Variants in MYO1F observed in about 807,000 individuals in gnomAD.
MYO1F encodes the protein myosin IF, also known as unconventional myosin-If.
In MYO1F, 60 loss-of-function variants were observed where a neutral mutation model predicts 146.6. The ratio of observed to expected loss-of-function variants is 0.41; its 90% CI spans 0.33 to 0.51. MYO1F has a LOEUF of 0.51. Among genes scored for constraint, MYO1F ranks in the 20% least tolerant of loss-of-function variants. MYO1F has a pLI of 0.25. For synonymous variants in MYO1F, 602 were observed against 602.1 expected, an observed-to-expected ratio of 1.00 and a Z score of 0.00; for missense variants, 1,274 against 1,534.3, an observed-to-expected ratio of 0.83 and a Z score of 2.83.
At chr19:8,536,173 C>G in intron 19 of MYO1F, 79 bp downstream of exon 19, 1 of 1,527,304 alleles carries the variant, frequency 6.5e-7, no homozygotes, top group Non-Finnish European at 9.0e-7. Flanking sequence ...CTCTGTCTCT[C>G]TCTCTCTCTC....
Position 8,521,492 on chromosome 19 carries a change from G to T in MYO1F, c.*36C>A, listed in dbSNP as rs373721466. On this transcript the variant is annotated 3_prime_UTR_variant, in exon 28 of 28. Transcript: ENST00000644032. ...CCCCACCAGGCCGGCAGGCAGATAG[G>T]CGGGCGAAAGAGAAGGCAGTATCCC... The T allele has an allele frequency of 1.7e-5, 27 of 1,594,768 alleles. No individual in the cohort carries two copies. In the African/African-American group the frequency reaches 2.7e-4, roughly 16 times the overall value.
At chr19:8,526,113 G>A (rs1269014396) in intron 24 of MYO1F, among the ~76,000 whole-genome samples, 2 of 152,200 alleles carry the variant, frequency 1.3e-5, no homozygotes, top group African/African-American at 4.8e-5. Flanking sequence ...TGGAGCATGA[G>A]GTAATGAGTT....
Position 8,536,238 on chromosome 19 carries a change from T to TTAAA in MYO1F, c.2043+13_2043+14insTTTA, listed in dbSNP as rs1568340494. The TTAAA allele has an allele frequency of 6.2e-7, 1 of 1,602,564 alleles. No individual in the cohort carries two copies. The highest frequency in any genetic ancestry group is 1.1e-5 in the South Asian group (1 of 91,086). ...TCCCCTCTCCTTCTCTGCCTGTCCC[T>TTAAA]CAAACACACTCACCGACTCTGGGTT... On this transcript the variant is annotated intron_variant, in intron 19 of 27. Transcript: ENST00000644032.
At position 8,550,624 on chromosome 19, in the gene MYO1F, A is replaced by G; in HGVS notation, c.842T>C (p.Leu281Ser). 1 of 1,614,118 alleles carries G rather than the reference A, an allele frequency of 6.2e-7. No individual in the cohort carries two copies. The highest frequency in any genetic ancestry group is 8.5e-7 in the Non-Finnish European group (1 of 1,180,036). ...ACAGAAACTGATGTTCCCCAGGTGC[A>G]AGATCCCCGCCACGAGCTGCAGGAC... ...QLVLQLVAGI[L>S]HLGNISFCED... is the part of the protein sequence containing the mutation. The change falls in exon 9 of 28, where the codon TTG becomes TCG. Residue 281 changes from leucine to serine, a missense_variant. Around this residue, in one of 2 missense-constraint regions of MYO1F, gnomAD observed 900 missense variants for 1,155.1 expected, o/e 0.78. Coordinates refer to ENST00000644032, the MANE Select transcript of MYO1F (RefSeq NM_012335.4).
intron 1 of MYO1F, among the ~76,000 whole-genome samples, chr19:8,558,338 A>AT (rs1182410920): frequency 2.0e-5 from 3 of 150,400 alleles, no homozygotes; most frequent in African/African-American, 2.4e-5. Context: ...TAATATTTAA[A>AT]TTTTTTTTGT....
At chr19:8,575,466 G>A (rs1483919005) in intron 1 of MYO1F, among the ~76,000 whole-genome samples, 1 of 147,154 alleles carries the variant, frequency 6.8e-6, no homozygotes, top group Admixed American at 6.8e-5. Flanking sequence ...ATCTAATGGC[G>A]CCCCCGAGAA....
chr19:8,532,983 C>T (rs1054382042), intron 19 of MYO1F, among the ~76,000 whole-genome samples: 1 of 151,406 alleles, frequency 6.6e-6, no homozygotes, highest in East Asian at 1.9e-4. Context: ...TAGCACTTCA[C>T]CCAGAGTGCT....
At chr19:8,576,506 G>T (rs1483971340) in intron 1 of MYO1F, 3 of 153,568 alleles carry the variant, frequency 2.0e-5, no homozygotes, top group Non-Finnish European at 2.9e-5. Context: ...TGTGGGGTGG[G>T]GTCAGCCCTG....
In MYO1F at chr19:8,569,530, C is replaced by T. The variant is rs542760259; in HGVS notation, c.3+7777G>A. On this transcript the variant is annotated intron_variant, in intron 1 of 27. Transcript: ENST00000644032. ...TGTGTGCCATGGAGGGAACACACTT[C>T]CTGGGCCCCTACTGTGCATGGAGGT... Among the ~76,000 whole-genome samples the T allele has an allele frequency of 9.9e-5, 15 of 152,116 alleles. 1 individual carries two copies. The highest frequency in any genetic ancestry group is 9.2e-4 in the Admixed American group (14 of 15,262).
chr19:8,543,654 CTGGTGGTGGTGG>C (rs1266851158), intron 14 of MYO1F, among the ~76,000 whole-genome samples: 3 of 87,530 alleles, frequency 3.4e-5, no homozygotes, highest in African/African-American at 1.4e-4. Flanking sequence ...GGTGGTGGTG[CTGGTGGTGGTGG>C]TGGTGGTGCT....
intron 1 of MYO1F, among the ~76,000 whole-genome samples, chr19:8,561,473 T>G (rs1974121374): frequency 1.0e-5 from 1 of 98,362 alleles, no homozygotes; most frequent in East Asian, 2.1e-3. Flanking sequence ...TCTCTCTCTT[T>G]CTTTTTCTCT....
chr19:8,562,120 C>T (rs144215111), intron 1 of MYO1F, among the ~76,000 whole-genome samples: 23 of 151,274 alleles, frequency 1.5e-4, no homozygotes, highest in African/African-American at 3.4e-4. Context: ...CTGCAAGCCT[C>T]GCCTCCAGGG....
At chr19:8,561,243 G>A (rs1451280115) in intron 1 of MYO1F, among the ~76,000 whole-genome samples, 1 of 152,044 alleles carries the variant, frequency 6.6e-6, no homozygotes, top group Non-Finnish European at 1.5e-5. Context: ...TTAACTGTCT[G>A]GGGAAAGGTG....
At chr19:8,534,008 A>G (rs1264829479) in intron 19 of MYO1F, among the ~76,000 whole-genome samples, 1 of 151,948 alleles carries the variant, frequency 6.6e-6, no homozygotes. Context: ...GTGAAAACCC[A>G]TCTCTATTAA....
chr19:8,563,294 CT>C (rs938198498), intron 1 of MYO1F, among the ~76,000 whole-genome samples: 9,886 of 118,588 alleles, frequency 0.083, 281 homozygotes, highest in Non-Finnish European at 0.12. Context: ...TGCTTGGCCA[CT>C]TTTTTTTTTT....
At chr19:8,552,545 A>G (rs1364197180) in intron 6 of MYO1F, among the ~76,000 whole-genome samples, 7 of 152,054 alleles carry the variant, frequency 4.6e-5, no homozygotes, top group Non-Finnish European at 8.8e-5. Flanking sequence ...GGGATTTCAG[A>G]TGTGAGCCCC....
chr19:8,533,357 C>CTTCT (rs1555720581), intron 19 of MYO1F, among the ~76,000 whole-genome samples: 25 of 115,196 alleles, frequency 2.2e-4, no homozygotes, highest in East Asian at 1.6e-3. Flanking sequence ...TCTTCTTCTT[C>CTTCT]TTTTTTTTTT....
chr19:8,550,039 A>G (rs2145911484), intron 10 of MYO1F, 121 bp downstream of exon 10: 8 of 1,153,712 alleles, frequency 6.9e-6, no homozygotes, highest in Non-Finnish European at 1.0e-5. Flanking sequence ...GCCTCAAAGA[A>G]TGCTCCCAAC....
rs1440128951 is a variant in MYO1F, at chr19:8,526,686, C to CGGG, written c.2622-86_2622-85insCCC. 1.2e-5 allele frequency: 19 copies of CGGG among 1,536,830 alleles called. No homozygotes were observed. The South Asian group carries it at 1.3e-4, about 11-fold the overall frequency. On this transcript the variant is annotated intron_variant, in intron 23 of 27. Transcript: ENST00000644032. ...TCGCTGGTTGGGGCAGGGGCGGGGC[C>CGGG]GCGGCCGGGGCCGAAGCGCAGTTCG...
Sources: gnomAD v4.1 joint callset for allele counts (sites outside exome capture counted in the v4.1 genomes callset) on GRCh38, gnomAD v4.1.1 for gene constraint, gnomAD v4.1.1 regional missense constraint, MANE v1.5 for transcripts, NCBI Gene and HGNC (gene_info 2026-07-23, HGNC 2026-07-21) for gene names.